Variants in NREP observed in about 807,000 individuals in gnomAD.
NREP encodes neuronal regeneration-related protein.
In NREP, 5 loss-of-function variants were observed where a neutral mutation model predicts 8.6. That is an observed-to-expected ratio of 0.58 (90% CI 0.30 to 1.22). The LOEUF is 1.22. Among genes scored for constraint, NREP ranks in the 50% most tolerant of loss-of-function variants. The pLI is 0.07. For synonymous variants in NREP, 27 were observed against 28.0 expected, an observed-to-expected ratio of 0.96 and a Z score of 0.11; for missense variants, 86 against 82.5, an observed-to-expected ratio of 1.04 and a Z score of -0.17.
intron 2 of NREP, among the ~76,000 whole-genome samples, chr5:111,955,446 A>C (rs1403268631): frequency 6.6e-6 from 1 of 151,178 alleles, no homozygotes; most frequent in Non-Finnish European, 1.5e-5. Context: ...ATTTGGCCAT[A>C]AACTACACAG....
At chr5:111,757,406 GTC>G (rs1750793746), upstream of NREP, 2 of 969,736 alleles carry the variant, frequency 2.1e-6, no homozygotes, top group African/African-American at 1.8e-5. Context: ...GAGTGTGTGT[GTC>G]TCTCTCTTTC....
intron 2 of NREP, among the ~76,000 whole-genome samples, chr5:111,798,734 GGTGT>G (rs571252142): frequency 0.18 from 24,829 of 135,310 alleles, 1,963 homozygotes; most frequent in Non-Finnish European, 0.22. Context: ...AGTATTCCAT[GGTGT>G]GTGTGTGTGT....
intron 3 of NREP, chr5:111,732,396 G>A (rs947221041): frequency 2.0e-5 from 3 of 151,280 alleles, no homozygotes; most frequent in East Asian, 1.9e-4. Flanking sequence ...TAAAAGTCTC[G>A]GACTTTGAGA....
chr5:111,858,460 A>C (rs1372137413), intron 2 of NREP, among the ~76,000 whole-genome samples: 2 of 152,176 alleles, frequency 1.3e-5, no homozygotes, highest in Non-Finnish European at 2.9e-5. Flanking sequence ...CTTTTGACTG[A>C]AAGGAGTAGG....
At chr5:111,733,339 G>T (rs552247176) in intron 3 of NREP, 1 of 152,204 alleles carries the variant, frequency 6.6e-6, no homozygotes, top group South Asian at 2.1e-4. Context: ...CCACAGGGAG[G>T]TGTGCTACTG....
At chr5:111,944,448 T>C (rs532312871) in intron 2 of NREP, among the ~76,000 whole-genome samples, 1 of 152,114 alleles carries the variant, frequency 6.6e-6, no homozygotes, top group Admixed American at 6.5e-5. Flanking sequence ...GCTGGGACCA[T>C]AGGCATGTAC....
rs1287304775 is a variant in NREP, at chr5:111,862,936, T to C, written c.135+112338A>G. The stretch of plus-strand genomic sequence containing the variant: ...AGGTTTGCTGAGGTGAGCAGGATAC[T>C]AGATCAGCTAGGGCATTAAAAGACA... On this transcript the variant is annotated intron_variant, in intron 2 of 3. Transcript: ENST00000395634. 2.7e-5 allele frequency among the ~76,000 whole-genome samples: 4 copies of C among 150,294 alleles called. No individual in the cohort carries two copies. In the East Asian group the frequency reaches 5.8e-4, roughly 22 times the overall value.
intron 2 of NREP, among the ~76,000 whole-genome samples, chr5:111,796,100 C>T (rs1049760645): frequency 6.6e-6 from 1 of 152,156 alleles, no homozygotes; most frequent in Admixed American, 6.5e-5. Context: ...GCCTGCATGC[C>T]TTCTGGAGGC....
chr5:111,871,081 T>TGTGC (rs1018000980), intron 2 of NREP, among the ~76,000 whole-genome samples: 9 of 149,212 alleles, frequency 6.0e-5, no homozygotes, highest in Admixed American at 4.7e-4. Flanking sequence ...TGTGTGTGTG[T>TGTGC]GTGTGTGTAG....
intron 2 of NREP, among the ~76,000 whole-genome samples, chr5:111,785,675 G>C (rs1469267306): frequency 6.6e-6 from 1 of 152,156 alleles, no homozygotes; most frequent in African/African-American, 2.4e-5. Context: ...GAGTGGTTTA[G>C]GAGTGGTGAG....
At chr5:111,971,104 C>A (rs1756804270) in intron 2 of NREP, among the ~76,000 whole-genome samples, 1 of 152,096 alleles carries the variant, frequency 6.6e-6, no homozygotes, top group African/African-American at 2.4e-5. Flanking sequence ...CACAGGAATT[C>A]AATAGATTAT....
At position 111,893,663 on chromosome 5, in the gene NREP, A is replaced by C. The variant is rs924968205; in HGVS notation, c.135+81611T>G. Among the ~76,000 whole-genome samples the C allele has an allele frequency of 2.4e-4, 36 of 150,796 alleles. 1 individual carries two copies. Among genetic ancestry groups the C allele is most frequent in the Non-Finnish European group, 1.5e-4 (10 of 67,608 alleles). On this transcript the variant is annotated intron_variant, in intron 2 of 3. Coordinates refer to the NREP transcript ENST00000395634. Reference sequence around the variant, plus strand: ...TAACAAGTTAACCAATTAACAAGTTAAATTGGTTAAGGGTTATATTTAACC... The same window carrying C: ...TAACAAGTTAACCAATTAACAAGTTCAATTGGTTAAGGGTTATATTTAACC...
chr5:111,840,263 C>T (rs1159390973), intron 2 of NREP, among the ~76,000 whole-genome samples: 1 of 151,890 alleles, frequency 6.6e-6, no homozygotes, highest in Non-Finnish European at 1.5e-5. Context: ...TCTGAGAAGT[C>T]TTTGTATGCT....
chr5:111,789,544 TG>T, intron 2 of NREP, among the ~76,000 whole-genome samples: 1 of 152,202 alleles, frequency 6.6e-6, no homozygotes. Flanking sequence ...CAGAGAAGCT[TG>T]GTGGCTCTAG....
intron 2 of NREP, among the ~76,000 whole-genome samples, chr5:111,967,317 C>T (rs1283891617): frequency 3.3e-5 from 5 of 152,016 alleles, no homozygotes; most frequent in South Asian, 2.1e-4. Flanking sequence ...TCATTGCCTT[C>T]GCCATAATCA....
At chr5:111,803,158 T>TA (rs1222438207) in intron 2 of NREP, among the ~76,000 whole-genome samples, 2 of 152,126 alleles carry the variant, frequency 1.3e-5, no homozygotes, top group African/African-American at 4.8e-5. Flanking sequence ...TCAGAGTTCA[T>TA]AAAAAGAGGT....
At chr5:111,831,262 C>T (rs963193362) in intron 2 of NREP, among the ~76,000 whole-genome samples, 2 of 152,108 alleles carry the variant, frequency 1.3e-5, no homozygotes, top group Admixed American at 6.5e-5. Flanking sequence ...ACTGGGCTTA[C>T]CCTTCTCTTG....
chr5:111,874,435 G>T (rs1342694157), intron 2 of NREP, among the ~76,000 whole-genome samples: 2 of 152,170 alleles, frequency 1.3e-5, no homozygotes, highest in Non-Finnish European at 2.9e-5. Flanking sequence ...CTCCTAAGAA[G>T]ATAGTTTTCC....
At chr5:111,799,692 C>T (rs1407794574) in intron 2 of NREP, among the ~76,000 whole-genome samples, 2 of 152,130 alleles carry the variant, frequency 1.3e-5, no homozygotes, top group Non-Finnish European at 2.9e-5. Context: ...CCAGTTATTT[C>T]CGATTTAAGG....
Sources: gnomAD v4.1 joint callset for allele counts (sites outside exome capture counted in the v4.1 genomes callset) on GRCh38, gnomAD v4.1.1 for gene constraint, MANE v1.5 for transcripts, NCBI Gene and HGNC (gene_info 2026-07-23, HGNC 2026-07-21) for gene names.